Variants in C12orf57 observed in about 807,000 individuals in gnomAD.
C12orf57 encodes protein C10.
A neutral mutation model predicts 11.3 loss-of-function variants in C12orf57; 14 were observed. The ratio of observed to expected loss-of-function variants is 1.24; its 90% CI spans 0.82 to 1.94. The LOEUF (loss-of-function observed/expected upper bound fraction) is 1.94, where lower values mean the gene tolerates loss of function less well. Among genes scored for constraint, C12orf57 ranks in the 30% most tolerant of loss-of-function variants. The probability of loss-of-function intolerance (pLI) is 0.00; values close to 1 mark genes in which losing one functional copy is unlikely to be tolerated. For synonymous variants in C12orf57, 100 were observed against 74.6 expected (o/e 1.34, Z -1.76); for missense variants, 229 against 172.4 (o/e 1.33, Z -1.84).
chr12:6,944,213 G>C (rs1444798076), intron 1 of C12orf57, 40 bp downstream of exon 1: 2 of 1,565,686 alleles, frequency 1.3e-6, no homozygotes, highest in African/African-American at 1.3e-5. Context: ...TGCTGGCCTG[G>C]GGTAGTCAAG....
At position 6,944,060 on chromosome 12, in the gene C12orf57, C is replaced by G. The variant is rs1253238241; in HGVS notation, c.-62C>G. On this transcript the variant is annotated 5_prime_UTR_variant, in exon 1 of 3. Coordinates refer to ENST00000229281, the MANE Select transcript of C12orf57 (RefSeq NM_138425.4). ...AGGGGCGTTGGGAACGGTTGTAGGA[C>G]GTGGCTCTTTATTCGTGAGTTTTCC... 33 of 1,613,008 alleles carry G rather than the reference C, an allele frequency of 2.0e-5. No individual in the cohort carries two copies. The highest frequency in any genetic ancestry group is 2.7e-5 in the Non-Finnish European group (32 of 1,179,864).
Position 6,944,029 on chromosome 12 carries a change from G to A in C12orf57, c.-93G>A, listed in dbSNP as rs1437434039. On this transcript the variant is annotated 5_prime_UTR_variant, in exon 1 of 3. Transcript: ENST00000229281. The stretch of plus-strand genomic sequence containing the variant: ...CTGCGCCGGATGCTGTTTCCTTTCC[G>A]CTCCCAGGGGCGTTGGGAACGGTTG... 1.2e-5 allele frequency: 19 copies of A among 1,607,086 alleles called. No homozygotes were observed. The highest frequency in any genetic ancestry group is 2.7e-5 in the African/African-American group (2 of 74,728).
chr12:6,943,888 T>C (rs916763179), upstream of C12orf57: 9 of 1,054,236 alleles, frequency 8.5e-6, no homozygotes, highest in Admixed American at 3.0e-5. Context: ...TCTTATGATG[T>C]TTGTTGCCAA....
upstream of C12orf57, chr12:6,943,702 C>T (rs1555145372): frequency 2.3e-6 from 3 of 1,279,072 alleles, no homozygotes; most frequent in Non-Finnish European, 3.0e-6. Flanking sequence ...CTGAAAGTTA[C>T]CACATGCGTC....
At chr12:6,945,730 G>T in intron 2 of C12orf57, 41 bp from the exon 3 acceptor site, 1 of 1,606,894 alleles carries the variant, frequency 6.2e-7, no homozygotes, top group South Asian at 1.1e-5. Flanking sequence ...TAGGCACGCT[G>T]GTCCTTAGGA....
chr12:6,944,435 G>T lies in C12orf57; in HGVS notation c.53-41G>T, dbSNP rs1822886181. 4 of 1,597,024 alleles carry T rather than the reference G, an allele frequency of 2.5e-6. No individual in the cohort carries two copies. The Admixed American group carries it at 7.0e-5, about 28-fold the overall frequency. On this transcript the variant is annotated intron_variant, in intron 1 of 2. Transcript: ENST00000229281. ...CTGGGCCCGCTGTCTGTTCTCCGAC[G>T]CCTACCCGGGACGCCTCCCTGGGAT...
chr12:6,944,923 TA>T, intron 2 of C12orf57: 1 of 1,304,292 alleles, frequency 7.7e-7, no homozygotes, highest in Middle Eastern at 2.6e-4. Flanking sequence ...TCGGAATATT[TA>T]CATATACATG....
chr12:6,944,011 G>T (rs181068613), upstream of C12orf57: 13 of 1,600,084 alleles, frequency 8.1e-6, no homozygotes, highest in East Asian at 2.7e-4. Flanking sequence ...CGGCTGCGCC[G>T]GATGCTGTTT....
At chr12:6,944,423 CTG>C in intron 1 of C12orf57, 51 bp from the exon 2 acceptor site, 1 of 1,587,578 alleles carries the variant, frequency 6.3e-7, no homozygotes, top group East Asian at 2.3e-5. Context: ...GGCCCGCTGT[CTG>C]TTCTCCGACG....
intron 1 of C12orf57, 116 bp downstream of exon 1, chr12:6,944,289 G>A: frequency 1.9e-6 from 3 of 1,597,332 alleles, no homozygotes; most frequent in Non-Finnish European, 8.5e-7. Context: ...GGCTACGTCC[G>A]CCGGGAAAAT....
Position 6,944,208 on chromosome 12 carries a change from G to C in C12orf57, c.52+35G>C, listed in dbSNP as rs781819974. On this transcript the variant is annotated intron_variant, in intron 1 of 2. Transcript: ENST00000229281. ...GTCCTAGTCAAGGCATAGGCTGCTG[G>C]CCTGGGGTAGTCAAGGCATGGGCTG... 111 of 1,565,848 alleles carry C rather than the reference G, an allele frequency of 7.1e-5. 1 individual carries two copies. The South Asian group carries it at 1.2e-3, about 17-fold the overall frequency.
chr12:6,944,011 G>C (rs181068613), upstream of C12orf57: 12 of 1,600,084 alleles, frequency 7.5e-6, no homozygotes, highest in Admixed American at 1.7e-4. Flanking sequence ...CGGCTGCGCC[G>C]GATGCTGTTT....
rs782308920 is a variant in C12orf57, at chr12:6,944,495, C to G, written c.72C>G (p.Ile24Met). The G allele has an allele frequency of 2.7e-5, 44 of 1,612,750 alleles. No individual in the cohort carries two copies. The South Asian group carries it at 3.6e-4, about 13-fold the overall frequency. Residue 24 changes from isoleucine (I) to methionine (M), a missense_variant, in exon 2 of 3, where the codon ATC becomes ATG. Coordinates refer to ENST00000229281, the MANE Select transcript of C12orf57 (RefSeq NM_138425.4). Reference sequence around the variant, plus strand: ...GCGCAGTGGTCCTCGCGGAGGTGATCCAGGCGTTCTCCGCCCCGGAGAATG... The same window carrying G: ...GCGCAGTGGTCCTCGCGGAGGTGATGCAGGCGTTCTCCGCCCCGGAGAATG... Reference protein sequence around the residue: ...EQAKVVLAEVIQAFSAPENAV... With the variant: ...EQAKVVLAEVMQAFSAPENAV...
At chr12:6,943,995 C>A (rs781998653), upstream of C12orf57, 14 of 1,588,582 alleles carry the variant, frequency 8.8e-6, no homozygotes, top group Middle Eastern at 1.8e-4. Context: ...CACGCCTGGG[C>A]GCTTCCGGCT....
rs375320005 is a variant in C12orf57, at chr12:6,944,191, C to T, written c.52+18C>T. The T allele has an allele frequency of 2.7e-5, 42 of 1,565,864 alleles. No individual in the cohort carries two copies. The highest frequency in any genetic ancestry group is 3.5e-5 in the Non-Finnish European group (40 of 1,140,662). Reference sequence around the variant, plus strand: ...AGCAAAGGGTGAGAATCGTCCTAGTCAAGGCATAGGCTGCTGGCCTGGGGT... The same window carrying T: ...AGCAAAGGGTGAGAATCGTCCTAGTTAAGGCATAGGCTGCTGGCCTGGGGT... On this transcript the variant is annotated intron_variant, in intron 1 of 2. Transcript: ENST00000229281.
rs369243261 is a variant in C12orf57, at chr12:6,944,080, T to C, written c.-42T>C. On this transcript the variant is annotated 5_prime_UTR_variant, in exon 1 of 3. Coordinates refer to ENST00000229281, the MANE Select transcript of C12orf57 (RefSeq NM_138425.4). ...TAGGACGTGGCTCTTTATTCGTGAG[T>C]TTTCCATTTACCTCCGCTGAACCTA... 6 of 1,613,794 alleles carry C rather than the reference T, an allele frequency of 3.7e-6. No individual in the cohort carries two copies. The highest frequency in any genetic ancestry group is 2.2e-5 in the East Asian group (1 of 44,868).
upstream of C12orf57, chr12:6,943,798 C>T: frequency 1.1e-6 from 1 of 915,702 alleles, no homozygotes; most frequent in African/African-American, 1.7e-5. Flanking sequence ...CCCATCTTCT[C>T]TCCAAACACA....
intron 2 of C12orf57, 185 bp downstream of exon 2, chr12:6,944,837 C>G (rs868969821): frequency 3.5e-6 from 5 of 1,445,316 alleles, no homozygotes; most frequent in South Asian, 1.5e-5. Flanking sequence ...GTCCGAGTTG[C>G]GTTTTGTACA....
upstream of C12orf57, chr12:6,943,931 G>A (rs782461569): frequency 4.1e-4 from 552 of 1,340,664 alleles, 3 homozygotes; most frequent in African/African-American, 8.3e-4. Flanking sequence ...AAAAATTATG[G>A]GTAGTTTTGG....
Sources: allele counts gnomAD v4.1 joint callset, GRCh38; gene constraint gnomAD v4.1.1; transcripts MANE v1.5; gene names NCBI Gene and HGNC (gene_info 2026-07-23, HGNC 2026-07-21).